Variants in LGI2 observed in about 807,000 individuals in gnomAD.
LGI2 encodes leucine-rich repeat LGI family member 2.
Under a neutral mutation model 52.0 loss-of-function variants are expected in LGI2, and 30 were observed. That is an observed-to-expected ratio of 0.58 (90% CI 0.43 to 0.78). The LOEUF is 0.78. LGI2 is among the 30% of genes least tolerant of loss of function. The pLI, the probability that LGI2 is intolerant of heterozygous loss-of-function variation, is 0.00. For synonymous variants in LGI2, 270 were observed against 271.8 expected (o/e 0.99, Z 0.06); for missense variants, 573 against 692.5 (o/e 0.83, Z 1.94).
intron 3 of LGI2, 142 bp downstream of exon 3, chr4:25,026,726 T>G: frequency 1.5e-6 from 1 of 675,130 alleles, no homozygotes; most frequent in Non-Finnish European, 2.7e-6. Context: ...CTATAAAAGG[T>G]CAGTGCTGAA....
At chr4:25,022,293 G>C (rs1043791917) in intron 4 of LGI2, among the ~76,000 whole-genome samples, 16 of 152,190 alleles carry the variant, frequency 1.1e-4, no homozygotes, top group Non-Finnish European at 1.9e-4. Context: ...TGAAAGAAAA[G>C]GCAGATGAGA....
chr4:25,005,690 G>A (rs974827049), intron 7 of LGI2, among the ~76,000 whole-genome samples: 15 of 152,026 alleles, frequency 9.9e-5, no homozygotes, highest in African/African-American at 3.4e-4. Context: ...CAGGAGTGAG[G>A]TCTCAGAGGC....
intron 3 of LGI2, among the ~76,000 whole-genome samples, chr4:25,025,143 C>CA (rs57226145): frequency 0.26 from 40,188 of 152,028 alleles, 5,649 homozygotes; most frequent in South Asian, 0.36. Flanking sequence ...GAGCTGGCAA[C>CA]ATGGGTAAAA....
chr4:25,017,062 T>C (rs1413789519), intron 6 of LGI2, among the ~76,000 whole-genome samples: 1 of 152,236 alleles, frequency 6.6e-6, no homozygotes, highest in East Asian at 1.9e-4. Context: ...CTGAAAAATG[T>C]ATAAACTGAA....
chr4:25,012,818 G>C (rs1028224523), intron 6 of LGI2, among the ~76,000 whole-genome samples: 1 of 152,186 alleles, frequency 6.6e-6, no homozygotes, highest in Non-Finnish European at 1.5e-5. Context: ...GTGGTAAGAC[G>C]GACAGGACGC....
At chr4:25,014,484 C>CACA (rs1725689918) in intron 6 of LGI2, among the ~76,000 whole-genome samples, 1 of 116,894 alleles carries the variant, frequency 8.6e-6, no homozygotes. Flanking sequence ...CCGCCCCCGC[C>CACA]AAAAAAAAGG....
rs770656538 is a variant in LGI2, at chr4:25,001,695, C to G, written c.*1756G>C. On this transcript the variant is annotated 3_prime_UTR_variant, in exon 8 of 8. Coordinates refer to ENST00000382114, the MANE Select transcript of LGI2 (RefSeq NM_018176.4). ...GTGGGTGAGTTCGTTCATTAAAATC[C>G]GTGGTTTCTGAGGCTAGAAGCCTCA... 2 of 135,294 alleles carry G rather than the reference C, an allele frequency of 1.5e-5. No homozygotes were observed. Among genetic ancestry groups the G allele is most frequent in the Non-Finnish European group, 3.1e-5 (2 of 63,650 alleles). 8.4% of individuals were successfully genotyped at this position (135,294 alleles called of 1,614,324 possible).
rs1245609638 is a variant in LGI2 at position 25,030,666 on chromosome 4, C to G, written c.28G>C (p.Ala10Pro). The change falls in exon 1 of 8, where the codon GCG becomes CCG. Residue 10 changes from alanine to proline, a missense_variant. Physicochemically the swap from Ala to Pro is conservative, Grantham distance 27. Coordinates refer to ENST00000382114, the MANE Select transcript of LGI2 (RefSeq NM_018176.4). Reference sequence around the variant, plus strand: ...AGCAGCAGCAGCAGCAGCCCGAGCGCTCCGCAGCCGCCTCTCCGCAGCGCC... The same window carrying G: ...AGCAGCAGCAGCAGCAGCCCGAGCGGTCCGCAGCCGCCTCTCCGCAGCGCC... MALRRGGCG[A>P]LGLLLLLLGA... 1 of 1,519,464 alleles carries G rather than the reference C, an allele frequency of 6.6e-7. No homozygotes were observed. Among genetic ancestry groups the G allele is most frequent in the Admixed American group, 2.0e-5 (1 of 49,028 alleles). 94.1% of individuals were successfully genotyped at this position (1,519,464 alleles called of 1,614,324 possible).
chr4:25,025,795 T>G (rs1027924390), intron 3 of LGI2, among the ~76,000 whole-genome samples: 1 of 152,238 alleles, frequency 6.6e-6, no homozygotes, highest in Non-Finnish European at 1.5e-5. Context: ...AAAACTGAGA[T>G]GTCTTTTCAG....
At chr4:25,028,863 T>C (rs560894049) in intron 1 of LGI2, among the ~76,000 whole-genome samples, 1 of 152,334 alleles carries the variant, frequency 6.6e-6, no homozygotes, top group South Asian at 2.1e-4. Flanking sequence ...CTTCACTTCC[T>C]TTTCTTAACT....
At chr4:25,012,607 G>T (rs748958739) in intron 6 of LGI2, 108 bp from the exon 7 acceptor site, 5 of 1,147,980 alleles carry the variant, frequency 4.4e-6, no homozygotes, top group Middle Eastern at 4.1e-4. Context: ...GACTGGGGAG[G>T]AGGAGGAGGA....
intron 7 of LGI2, 134 bp downstream of exon 7, chr4:25,012,201 G>T: frequency 2.1e-6 from 2 of 933,798 alleles, no homozygotes; most frequent in Non-Finnish European, 3.3e-6. Flanking sequence ...CAGAGGGAAG[G>T]CTGGGACGTG....
In LGI2 at chr4:25,000,575, C is replaced by T. The variant is rs9998872; in HGVS notation, c.*2876G>A. ...TTGATAATAGACCCATTCCCGACCC[C>T]ATGGAGTATGGGGACAAGCCCCCTT... On this transcript the variant is annotated 3_prime_UTR_variant, in exon 8 of 8. Transcript: ENST00000382114. 72,155 of 152,094 alleles carry T rather than the reference C, an allele frequency of 0.47. 17,648 individuals carry two copies. The highest frequency in any genetic ancestry group is 0.77 in the East Asian group (3,986 of 5,168). The allele number at this position is 152,094 out of a possible 1,614,324, so 9.4% of individuals were successfully genotyped here.
In LGI2 at chr4:24,998,944, G is replaced by C. The variant is rs757892200; in HGVS notation, c.*4507C>G. The C allele has an allele frequency of 1.3e-5, 2 of 152,182 alleles. No homozygotes were observed. Among genetic ancestry groups the C allele is most frequent in the Non-Finnish European group, 2.9e-5 (2 of 68,020 alleles). The allele number at this position is 152,182 out of a possible 1,614,324, so 9.4% of individuals were successfully genotyped here. A position where few individuals can be genotyped will look rare whatever the true frequency, so the allele number is the denominator to read the frequency against. ...CTATTTACCAAAAAGAGCTAAATAT[G>C]TATACAGCCTAAAATACATCCACTG... On this transcript the variant is annotated 3_prime_UTR_variant, in exon 8 of 8. Transcript: ENST00000382114.
At chr4:25,017,133 A>C (rs979029962) in intron 6 of LGI2, among the ~76,000 whole-genome samples, 1 of 152,118 alleles carries the variant, frequency 6.6e-6, no homozygotes, top group Non-Finnish European at 1.5e-5. Flanking sequence ...CCTCGATATG[A>C]GCTGTTTCCT....
downstream of LGI2, among the ~76,000 whole-genome samples, chr4:24,997,121 G>GA (rs1054575247): frequency 2.6e-5 from 4 of 152,006 alleles, no homozygotes; most frequent in South Asian, 2.1e-4. Flanking sequence ...CAATTTGTCA[G>GA]AAAAAAAATC....
intron 6 of LGI2, among the ~76,000 whole-genome samples, chr4:25,013,171 G>A (rs2110453): frequency 0.77 from 117,841 of 152,168 alleles, 46,484 homozygotes; most frequent in East Asian, 0.98. Context: ...AGCCTAGCAC[G>A]AAGTGAGTGC....
chr4:25,002,619 T>TG lies in LGI2; in HGVS notation c.*831dup, dbSNP rs1420910095. The TG allele has an allele frequency of 6.6e-6, 1 of 152,668 alleles. No individual in the cohort carries two copies. Among genetic ancestry groups the TG allele is most frequent in the Non-Finnish European group, 1.5e-5 (1 of 68,042 alleles). 9.5% of individuals were successfully genotyped at this position (152,668 alleles called of 1,614,324 possible). On this transcript the variant is annotated 3_prime_UTR_variant, in exon 8 of 8. Transcript: ENST00000382114. ...GGATGAAATGAAAAGCACCAGTCTTTGGCCTGCCTGCTGGTTACCCACAAA... is the reference window on the plus strand; with the variant it reads ...GGATGAAATGAAAAGCACCAGTCTTTGGGCCTGCCTGCTGGTTACCCACAAA...
chr4:24,994,411 G>A (rs1051748015), downstream of LGI2, among the ~76,000 whole-genome samples: 1 of 152,264 alleles, frequency 6.6e-6, no homozygotes. Flanking sequence ...TCCTACTCCT[G>A]ATGTTTCCTT....
Sources: gnomAD v4.1 joint callset for allele counts (sites outside exome capture counted in the v4.1 genomes callset) on GRCh38, gnomAD v4.1.1 for gene constraint, MANE v1.5 for transcripts, NCBI Gene and HGNC (gene_info 2026-07-23, HGNC 2026-07-21) for gene names.